ZNF420: variants seen among roughly 807,000 people sequenced by gnomAD.
The protein encoded by ZNF420 is zinc finger protein 420.
Under a neutral mutation model 44.7 loss-of-function variants are expected in ZNF420, and 31 were observed. That is an observed-to-expected ratio of 0.69 (90% CI 0.52 to 0.94). ZNF420 has a LOEUF of 0.94. Among genes scored for constraint, ZNF420 ranks in the 40% least tolerant of loss-of-function variants. ZNF420 has a pLI of 0.00. For missense variants in ZNF420, 681 were observed against 827.9 expected (o/e 0.82, Z 2.18); for synonymous variants, 245 against 267.4 (o/e 0.92, Z 0.82).
intron 1 of ZNF420, among the ~76,000 whole-genome samples, chr19:37,063,058 T>G (rs577261338): frequency 6.6e-6 from 1 of 151,428 alleles, no homozygotes; most frequent in South Asian, 2.1e-4. Flanking sequence ...CAGAAGATAT[T>G]TTTAAGCTAG....
chr19:37,043,518 CTTAT>C lies in ZNF420; in HGVS notation c.-125+35451_-125+35454del, dbSNP rs529994921. On this transcript the variant is annotated intron_variant, in intron 1 of 4. Transcript: ENST00000587029. ...TTCCTCTATGTTAATTTTTAAATTC[CTTAT>C]TTATTTATTTATTTTTTTTAGATGG... Among the ~76,000 whole-genome samples, 321 of 152,128 alleles carry C rather than the reference CTTAT, an allele frequency of 2.1e-3. 3 individuals carry two copies. Among genetic ancestry groups the C allele is most frequent in the African/African-American group, 7.5e-3 (312 of 41,498 alleles).
intron 1 of ZNF420, among the ~76,000 whole-genome samples, chr19:37,029,800 C>A (rs1967223926): frequency 4.6e-5 from 7 of 151,992 alleles, no homozygotes; most frequent in Admixed American, 3.9e-4. Flanking sequence ...GAGCCACGCG[C>A]CTGGCCAATT....
At chr19:37,115,358 T>C (rs1970615288) in intron 4 of ZNF420, among the ~76,000 whole-genome samples, 1 of 152,104 alleles carries the variant, frequency 6.6e-6, no homozygotes, top group Admixed American at 6.5e-5. Context: ...CACTGGTCTC[T>C]GAGTTCTCTC....
intron 1 of ZNF420, among the ~76,000 whole-genome samples, chr19:37,021,476 A>G (rs988673747): frequency 1.3e-5 from 2 of 152,066 alleles, no homozygotes; most frequent in Non-Finnish European, 2.9e-5. Flanking sequence ...CATGTTGGTC[A>G]GGCTGGTCTC....
chr19:37,117,628 T>G (rs1970771538), intron 4 of ZNF420, among the ~76,000 whole-genome samples: 1 of 152,296 alleles, frequency 6.6e-6, no homozygotes, highest in South Asian at 2.1e-4. Context: ...GGAGAATGAC[T>G]TTGATGAGTT....
At chr19:37,057,017 A>C (rs1044797520) in intron 1 of ZNF420, among the ~76,000 whole-genome samples, 7 of 152,374 alleles carry the variant, frequency 4.6e-5, no homozygotes, top group African/African-American at 1.7e-4. Context: ...GCGAAGCGCC[A>C]GCCAATTCTC....
intron 1 of ZNF420, among the ~76,000 whole-genome samples, chr19:37,057,374 C>G (rs1276975667): frequency 6.6e-6 from 1 of 151,830 alleles, no homozygotes; most frequent in East Asian, 1.9e-4. Flanking sequence ...TCGTGGAGAG[C>G]AGAACCCCAA....
intron 1 of ZNF420, among the ~76,000 whole-genome samples, chr19:37,037,833 G>T (rs1015211627): frequency 1.3e-5 from 2 of 152,198 alleles, no homozygotes; most frequent in African/African-American, 4.8e-5. Context: ...AGCAAAAAAT[G>T]TCGTGTGACT....
At chr19:37,118,209 A>T (rs1970803964) in intron 4 of ZNF420, among the ~76,000 whole-genome samples, 1 of 152,242 alleles carries the variant, frequency 6.6e-6, no homozygotes, top group Admixed American at 6.5e-5. Flanking sequence ...AAAAATGTTA[A>T]GGGCAGCCAG....
rs547031251 is a variant in ZNF420, at chr19:37,102,794, A to G, written c.136+11673A>G. Among the ~76,000 whole-genome samples, 12 of 152,270 alleles carry G rather than the reference A, an allele frequency of 7.9e-5. No individual in the cohort carries two copies. The East Asian group carries it at 2.3e-3, about 29-fold the overall frequency. On this transcript the variant is annotated intron_variant, in intron 4 of 4. Coordinates refer to ENST00000337995, the MANE Select transcript of ZNF420 (RefSeq NM_144689.5). ...CTGCCATCTTGCTGACGTCACTCCC[A>G]TAATCTCTCATAAACACTTTTTAAC...
At chr19:37,011,781 T>A (rs1343182119) in intron 1 of ZNF420, among the ~76,000 whole-genome samples, 1 of 152,088 alleles carries the variant, frequency 6.6e-6, no homozygotes, top group African/African-American at 2.4e-5. Context: ...ACTCACCCCA[T>A]CTGTTCTGGG....
intron 4 of ZNF420, among the ~76,000 whole-genome samples, chr19:37,111,109 G>C (rs1171246264): frequency 6.6e-6 from 1 of 152,206 alleles, no homozygotes; most frequent in African/African-American, 2.4e-5. Context: ...ATTGTACTGT[G>C]AGGAAGGAAT....
chr19:37,040,165 T>C (rs1967428036), intron 1 of ZNF420, among the ~76,000 whole-genome samples: 1 of 152,224 alleles, frequency 6.6e-6, no homozygotes, highest in South Asian at 2.1e-4. Context: ...TCAATGATCT[T>C]AGCCAGATCT....
intron 1 of ZNF420, among the ~76,000 whole-genome samples, chr19:37,039,131 T>A (rs1020336855): frequency 6.6e-6 from 1 of 152,238 alleles, no homozygotes; most frequent in Admixed American, 6.5e-5. Context: ...CAAAGTCATT[T>A]ATGAGGGTTG....
rs761885680 is a variant in ZNF420 at position 37,129,057 on chromosome 19, G to A, written c.2066G>A (p.Ter689=). ...DFSHGSQVYM[*] is the part of the protein sequence containing the mutation. ...AGTCATGGCTCACAAGTTTACATGT[G>A]AATTGTCTGATTATTTGAGATCACT... The change falls in exon 5 of 5, where the codon TGA becomes TAA. Residue 689 remains the stop codon, a stop_retained_variant. Coordinates refer to ENST00000337995, the MANE Select transcript of ZNF420 (RefSeq NM_144689.5). The A allele has an allele frequency of 6.2e-7, 1 of 1,606,922 alleles. No homozygotes were observed. The highest frequency in any genetic ancestry group is 8.5e-7 in the Non-Finnish European group (1 of 1,174,820).
At chr19:37,024,214 C>G (rs1025998361) in intron 1 of ZNF420, among the ~76,000 whole-genome samples, 1 of 152,102 alleles carries the variant, frequency 6.6e-6, no homozygotes, top group African/African-American at 2.4e-5. Context: ...CTGGAGGCAC[C>G]TCCTTCTAGT....
chr19:37,125,058 G>A (rs1008938387), intron 4 of ZNF420, among the ~76,000 whole-genome samples: 6 of 152,020 alleles, frequency 3.9e-5, no homozygotes, highest in Non-Finnish European at 5.9e-5. Context: ...GGTTGGTCTC[G>A]AACTCCTGAC....
intron 4 of ZNF420, among the ~76,000 whole-genome samples, chr19:37,106,031 C>T (rs991123079): frequency 1.2e-4 from 19 of 152,176 alleles, no homozygotes; most frequent in Admixed American, 6.5e-4. Flanking sequence ...CTTTCTTTCT[C>T]CTGTCTGATT....
At chr19:37,093,348 C>G (rs185371982) in intron 4 of ZNF420, among the ~76,000 whole-genome samples, 1 of 152,188 alleles carries the variant, frequency 6.6e-6, no homozygotes, top group East Asian at 1.9e-4. Context: ...TCAGCCTCCC[C>G]AGCAGCTGGG....
Sources: gnomAD v4.1 joint callset for allele counts (sites outside exome capture counted in the v4.1 genomes callset) on GRCh38, gnomAD v4.1.1 for gene constraint, MANE v1.5 for transcripts, NCBI Gene and HGNC (gene_info 2026-07-23, HGNC 2026-07-21) for gene names.